The following B4GALNT2 variants were observed in gnomAD, a reference collection of about 807,000 sequenced individuals.
B4GALNT2 encodes the protein N-acetylneuraminylgalactosylglucosyl-glucoside beta-1,4-N- acetylgalactosaminyltransferase 2.
Under a neutral mutation model 51.1 loss-of-function variants are expected in B4GALNT2, and 42 were observed. The observed-to-expected ratio is 0.82, with a 90% CI of 0.64 to 1.06. B4GALNT2 has a LOEUF of 1.06. Ranked by LOEUF, B4GALNT2 falls within the 50% of genes least tolerant of loss-of-function variation. The pLI, the probability that B4GALNT2 is intolerant of heterozygous loss-of-function variation, is 0.00. For missense variants in B4GALNT2, 602 were observed against 633.6 expected (o/e 0.95, Z 0.54); for synonymous variants, 253 against 251.7 (o/e 1.01, Z -0.05).
chr17:49,155,962 C>T (rs576365787), intron 4 of B4GALNT2, among the ~76,000 whole-genome samples: 1 of 152,110 alleles, frequency 6.6e-6, no homozygotes, highest in South Asian at 2.1e-4. Context: ...CTCCTGACCT[C>T]GTGATCCGCC....
upstream of B4GALNT2, among the ~76,000 whole-genome samples, chr17:49,129,565 T>G (rs1025764451): frequency 6.6e-6 from 1 of 152,036 alleles, no homozygotes; most frequent in African/African-American, 2.4e-5. Flanking sequence ...AAAAAGTGGC[T>G]CAACAGTCAA....
chr17:49,169,143 C>T (rs1330345537), intron 10 of B4GALNT2, among the ~76,000 whole-genome samples: 2 of 152,104 alleles, frequency 1.3e-5, no homozygotes, highest in African/African-American at 4.8e-5. Context: ...CCCTTCCTTT[C>T]CCTACAGCTC....
chr17:49,168,539 G>A (rs2042931196), intron 9 of B4GALNT2, 142 bp from the exon 10 acceptor site: 1 of 860,356 alleles, frequency 1.2e-6, no homozygotes, highest in Admixed American at 2.2e-5. Flanking sequence ...CAACGAGGGA[G>A]TAACTGAGGG....
rs2042990309 is a variant in B4GALNT2 at position 49,176,605 on chromosome 17, T to C, written c.*6877T>C. 6.6e-6 allele frequency: 1 copy of C among 152,228 alleles called. No individual in the cohort carries two copies. Among genetic ancestry groups the C allele is most frequent in the African/African-American group, 2.4e-5 (1 of 41,454 alleles). 9.4% of individuals were successfully genotyped at this position (152,228 alleles called of 1,614,324 possible). ...AAATCCACAACCTTCAGTGTGTGCA[T>C]CATGGCCATCATGAACATGTCACAG... On this transcript the variant is annotated 3_prime_UTR_variant, in exon 11 of 11. Coordinates refer to ENST00000393354, the MANE Select transcript of B4GALNT2 (RefSeq NM_001159387.2).
At position 49,141,403 on chromosome 17, in the gene B4GALNT2, G is replaced by A. The variant is rs1404918754; in HGVS notation, c.171G>A (p.Leu57=). ...PAPGVQKLKL[L]PEERLRNLFS... ...CGGGTGTCCAGAAGCTGAAGCTTCT[G>A]CCTGAGGAACGTCTCAGGAACCTCT... The change falls in exon 2 of 11, where the codon CTG becomes CTA. Residue 57 remains leucine (L), a synonymous_variant. Coordinates refer to ENST00000393354, the MANE Select transcript of B4GALNT2 (RefSeq NM_001159387.2). The A allele has an allele frequency of 6.2e-7, 1 of 1,614,086 alleles. No individual in the cohort carries two copies. The highest frequency in any genetic ancestry group is 1.3e-5 in the African/African-American group (1 of 74,942).
At chr17:49,133,240 G>C in intron 1 of B4GALNT2, 1 of 1,468,712 alleles carries the variant, frequency 6.8e-7, no homozygotes, top group Non-Finnish European at 8.9e-7. Context: ...GCCCGGGCGC[G>C]GGGACTGCGG....
chr17:49,134,027 C>T (rs1469967053), intron 1 of B4GALNT2, among the ~76,000 whole-genome samples: 2 of 152,198 alleles, frequency 1.3e-5, no homozygotes, highest in African/African-American at 4.8e-5. Context: ...CATCCACGTC[C>T]TTGGCTAAGG....
intron 4 of B4GALNT2, among the ~76,000 whole-genome samples, chr17:49,153,281 G>A (rs887342159): frequency 6.6e-6 from 1 of 152,006 alleles, no homozygotes; most frequent in Non-Finnish European, 1.5e-5. Context: ...TGGATGTGGC[G>A]GTGGGCAACT....
At chr17:49,122,612 T>G in the B4GALNT2 span, among the ~76,000 whole-genome samples, 1 of 152,236 alleles carries the variant, frequency 6.6e-6, no homozygotes, top group Non-Finnish European at 1.5e-5. Context: ...GTTTTGGTAT[T>G]CCCTTACCTT....
the B4GALNT2 span, among the ~76,000 whole-genome samples, chr17:49,124,481 A>G: frequency 6.6e-6 from 1 of 152,246 alleles, no homozygotes; most frequent in Non-Finnish European, 1.5e-5. Context: ...GTGGCACACA[A>G]TAGTTTTAAC....
the B4GALNT2 span, among the ~76,000 whole-genome samples, chr17:49,125,762 C>A: frequency 9.8e-6 from 1 of 101,610 alleles, no homozygotes; most frequent in African/African-American, 3.5e-5. Flanking sequence ...GGGGTCAGCC[C>A]CCCGCCCGTC....
chr17:49,155,978 C>T (rs1029683362), intron 4 of B4GALNT2, among the ~76,000 whole-genome samples: 5 of 152,078 alleles, frequency 3.3e-5, no homozygotes, highest in South Asian at 4.1e-4. Flanking sequence ...CCGCCCGCCT[C>T]GGCCTCCCAA....
the B4GALNT2 span, among the ~76,000 whole-genome samples, chr17:49,123,334 C>T: frequency 6.6e-6 from 1 of 152,342 alleles, no homozygotes; most frequent in African/African-American, 2.4e-5. Context: ...GTTTTCAGTT[C>T]ATAGGGCTTT....
rs115610667 is a variant in B4GALNT2 at position 49,153,951 on chromosome 17, T to C, written c.460+1045T>C. Among the ~76,000 whole-genome samples, 840 of 152,154 alleles carry C rather than the reference T, an allele frequency of 5.5e-3. 7 individuals are homozygous for C. The highest frequency in any genetic ancestry group is 0.019 in the African/African-American group (775 of 41,522). ...AAAGAATCTTAGGACATAATTGGCT[T>C]TTCAATGTCCTCCATCATCATGGGA... On this transcript the variant is annotated intron_variant, in intron 4 of 10. Coordinates refer to ENST00000393354, the MANE Select transcript of B4GALNT2 (RefSeq NM_001159387.2).
intron 8 of B4GALNT2, 118 bp downstream of exon 8, chr17:49,164,393 G>GA: frequency 1.1e-6 from 1 of 880,826 alleles, no homozygotes; most frequent in Non-Finnish European, 1.7e-6. Flanking sequence ...CAGAGTCCAG[G>GA]AGTGGGAGTG....
chr17:49,132,464 C>A, upstream of B4GALNT2: 1 of 320,368 alleles, frequency 3.1e-6, no homozygotes, highest in Non-Finnish European at 5.7e-6. Flanking sequence ...TGGGTCAAGG[C>A]CGCGAGGTTG....
At chr17:49,156,843 C>T (rs542811196) in intron 5 of B4GALNT2, among the ~76,000 whole-genome samples, 312 of 152,344 alleles carry the variant, frequency 2.0e-3, no homozygotes, top group Non-Finnish European at 3.6e-3. Context: ...GCTGCTGCTT[C>T]TGGTGCAAGA....
intron 1 of B4GALNT2, among the ~76,000 whole-genome samples, chr17:49,140,682 T>C (rs16946765): frequency 0.051 from 7,699 of 152,062 alleles, 233 homozygotes; most frequent in Middle Eastern, 0.12. Flanking sequence ...ATACTCTTTT[T>C]TATTGCCTTG....
In B4GALNT2 at chr17:49,175,817, C is replaced by T. The variant is rs1199720746; in HGVS notation, c.*6089C>T. 1.3e-5 allele frequency: 2 copies of T among 152,140 alleles called. No homozygotes were observed. The highest frequency in any genetic ancestry group is 4.8e-5 in the African/African-American group (2 of 41,420). The allele number at this position is 152,140 out of a possible 1,614,324, so 9.4% of individuals were successfully genotyped here. A position where few individuals can be genotyped will look rare whatever the true frequency, so the allele number is the denominator to read the frequency against. ...AGTCACTGGGGCAACTACTTTTCAC[C>T]CAGTGTCCTCTGGAAAAGAAAGATC... On this transcript the variant is annotated 3_prime_UTR_variant, in exon 11 of 11. Transcript: ENST00000393354.
Sources: gnomAD v4.1 joint callset for allele counts (sites outside exome capture counted in the v4.1 genomes callset) on GRCh38, gnomAD v4.1.1 for gene constraint, MANE v1.5 for transcripts, NCBI Gene and HGNC (gene_info 2026-07-23, HGNC 2026-07-21) for gene names.